Variants in SGSM1 observed in about 807,000 individuals in gnomAD.
SGSM1 encodes RUN and TBC1 domain containing 2.
SGSM1 carries 73 observed loss-of-function variants against 133.8 expected under a neutral mutation model. The observed-to-expected ratio is 0.55, with a 90% confidence interval of 0.45 to 0.66. The LOEUF (loss-of-function observed/expected upper bound fraction) is 0.66. Among genes scored for constraint, SGSM1 ranks in the 30% least tolerant of loss-of-function variants. The probability of loss-of-function intolerance (pLI) is 0.00; values close to 1 mark genes in which losing one functional copy is unlikely to be tolerated. For synonymous variants in SGSM1, 563 were observed against 573.0 expected (o/e 0.98, Z 0.25); for missense variants, 1,213 against 1,448.1 (o/e 0.84, Z 2.64).
chr22:24,832,695 C>T (rs1266848344), intron 2 of SGSM1, among the ~76,000 whole-genome samples: 6 of 152,164 alleles, frequency 3.9e-5, no homozygotes, highest in Non-Finnish European at 8.8e-5. Flanking sequence ...GTGGTGCCAT[C>T]AGTGGATCTG....
In SGSM1 at chr22:24,924,439, G is replaced by T; in HGVS notation, c.*165G>T. On this transcript the variant is annotated 3_prime_UTR_variant, in exon 25 of 25. Transcript: ENST00000400358. ...CTACCCTGACTTTTACTTCTGGGCA[G>T]ATGGGGTGGAGGGAGTACCCCTTCA... 1 of 622,908 alleles carries T rather than the reference G, an allele frequency of 1.6e-6. No homozygotes were observed. The highest frequency in any genetic ancestry group is 2.8e-5 in the East Asian group (1 of 36,208). The allele number at this position is 622,908 out of a possible 1,614,324, so 38.6% of individuals were successfully genotyped here.
intron 2 of SGSM1, among the ~76,000 whole-genome samples, chr22:24,815,545 A>G (rs762486050): frequency 6.6e-6 from 1 of 152,212 alleles, no homozygotes; most frequent in Non-Finnish European, 1.5e-5. Context: ...GATCAGGACC[A>G]TCCTGGATAA....
chr22:24,863,732 T>C (rs987579419), intron 9 of SGSM1, among the ~76,000 whole-genome samples: 3 of 150,044 alleles, frequency 2.0e-5, no homozygotes, highest in African/African-American at 7.4e-5. Context: ...GGAGCTCTTT[T>C]TTTCTTCTTT....
intron 8 of SGSM1, chr22:24,855,941 C>A: frequency 1.5e-6 from 1 of 649,192 alleles, no homozygotes; most frequent in South Asian, 1.6e-5. Context: ...ATCTTTACAT[C>A]CATCTATCCA....
At chr22:24,843,033 A>G (rs185484332) in intron 2 of SGSM1, among the ~76,000 whole-genome samples, 1 of 145,302 alleles carries the variant, frequency 6.9e-6, no homozygotes, top group East Asian at 2.0e-4. Flanking sequence ...ATGATGGGAG[A>G]AAAAAAAAAG....
chr22:24,886,461 T>C (rs1932606010), intron 15 of SGSM1, 139 bp from the exon 16 acceptor site: 2 of 1,109,940 alleles, frequency 1.8e-6, no homozygotes, highest in Non-Finnish European at 2.5e-6. Context: ...CCCAGCACTT[T>C]GGGAGGCCAA....
intron 19 of SGSM1, among the ~76,000 whole-genome samples, chr22:24,899,207 C>T (rs1933033726): frequency 6.6e-6 from 1 of 151,842 alleles, no homozygotes; most frequent in East Asian, 1.9e-4. Flanking sequence ...TTCCTGTTTT[C>T]TTTTTCTTAG....
chr22:24,921,932 C>A (rs1934023449), intron 24 of SGSM1, among the ~76,000 whole-genome samples: 1 of 152,002 alleles, frequency 6.6e-6, no homozygotes, highest in African/African-American at 2.4e-5. Flanking sequence ...GACTCCCAAC[C>A]TCAGGTGATC....
chr22:24,811,868 C>CAAA (rs757643471), intron 2 of SGSM1, among the ~76,000 whole-genome samples: 1,278 of 122,074 alleles, frequency 0.01, 52 homozygotes, highest in East Asian at 0.093. Flanking sequence ...GACCCTGTCT[C>CAAA]AAAAAAAAAA....
intron 2 of SGSM1, among the ~76,000 whole-genome samples, chr22:24,810,053 G>A (rs1010448678): frequency 2.6e-5 from 4 of 152,220 alleles, no homozygotes; most frequent in Non-Finnish European, 4.4e-5. Flanking sequence ...CGAAGTGACC[G>A]GAGCAGAGAC....
intron 2 of SGSM1, among the ~76,000 whole-genome samples, chr22:24,824,467 A>G (rs1928678625): frequency 6.6e-6 from 1 of 152,000 alleles, no homozygotes. Context: ...GCGTGCCAAA[A>G]TACTCCTGTC....
rs1270584778 is a variant in SGSM1 at position 24,901,947 on chromosome 22, A to G, written c.2725A>G (p.Ile909Val). The change falls in exon 20 of 25, where the codon ATC becomes GTC. Residue 909 changes from isoleucine to valine, a missense_variant. By Grantham distance (29) the Ile-to-Val change is conservative. Transcript: ENST00000400358. Reference protein sequence around the residue: ...TPANLEKLRNIMCSYIWQHIE... With the variant: ...TPANLEKLRNVMCSYIWQHIE... ...CGCCAACTTGGAGAAGCTGCGTAAC[A>G]TCATGTGCAGGTGGCTGGGGACAGC... 1.6e-5 allele frequency: 23 copies of G among 1,394,208 alleles called. 1 individual carries two copies. The East Asian group carries it at 6.9e-4, about 42-fold the overall frequency. The allele number at this position is 1,394,208 out of a possible 1,614,324, so 86.4% of individuals were successfully genotyped here. A position where few individuals can be genotyped will look rare whatever the true frequency, so the allele number is the denominator to read the frequency against.
chr22:24,882,560 A>G (rs1302722055), intron 14 of SGSM1, among the ~76,000 whole-genome samples: 1 of 152,192 alleles, frequency 6.6e-6, no homozygotes, highest in African/African-American at 2.4e-5. Flanking sequence ...GAAATATACA[A>G]TAAATTATTA....
At chr22:24,913,716 A>C (rs1193477738) in intron 22 of SGSM1, among the ~76,000 whole-genome samples, 1 of 152,162 alleles carries the variant, frequency 6.6e-6, no homozygotes, top group Non-Finnish European at 1.5e-5. Context: ...CCACCTCCCC[A>C]AGAAATAACA....
At chr22:24,819,180 TA>T (rs1271038597) in intron 2 of SGSM1, among the ~76,000 whole-genome samples, 1 of 150,982 alleles carries the variant, frequency 6.6e-6, no homozygotes, top group Non-Finnish European at 1.5e-5. Context: ...ACCCCAGTAA[TA>T]ATTATAATTA....
intron 15 of SGSM1, among the ~76,000 whole-genome samples, chr22:24,884,483 A>G (rs2071491583): frequency 6.6e-6 from 1 of 152,176 alleles, no homozygotes; most frequent in South Asian, 2.1e-4. Context: ...TGGGATGGGC[A>G]CGGTGGCTCA....
intron 24 of SGSM1, among the ~76,000 whole-genome samples, chr22:24,923,363 T>TC (rs1300060737): frequency 1.3e-5 from 2 of 151,600 alleles, no homozygotes; most frequent in African/African-American, 4.8e-5. Flanking sequence ...TTCTTTTTTT[T>TC]CTTTCTACTA....
chr22:24,831,196 G>A (rs1929101055), intron 2 of SGSM1, among the ~76,000 whole-genome samples: 1 of 151,648 alleles, frequency 6.6e-6, no homozygotes, highest in South Asian at 2.1e-4. Flanking sequence ...GAGCGCAGGT[G>A]GGTTAGGAGG....
intron 2 of SGSM1, among the ~76,000 whole-genome samples, chr22:24,836,354 C>T (rs1449092370): frequency 1.3e-5 from 2 of 152,178 alleles, no homozygotes; most frequent in African/African-American, 4.8e-5. Context: ...ATTCAGCCAT[C>T]GAAGGACACT....
Sources: allele counts gnomAD v4.1 joint callset (sites outside exome capture counted in the v4.1 genomes callset), GRCh38; gene constraint gnomAD v4.1.1; transcripts MANE v1.5; gene names NCBI Gene and HGNC (gene_info 2026-07-23, HGNC 2026-07-21).